Variants in TRAF3IP1 observed in about 807,000 individuals in gnomAD.
TRAF3IP1 encodes the protein TRAF3-interacting protein 1.
In TRAF3IP1, 53 loss-of-function variants were observed where a neutral mutation model predicts 89.9. The observed-to-expected ratio is 0.59, with a 90% CI of 0.47 to 0.74. TRAF3IP1 has a LOEUF of 0.74. TRAF3IP1 is among the 30% of genes least tolerant of loss of function. The pLI is 0.00. For synonymous variants in TRAF3IP1, 311 were observed against 322.1 expected (o/e 0.97, Z 0.37); for missense variants, 806 against 866.1 (o/e 0.93, Z 0.87).
chr2:238,338,319 TC>T (rs759921512), intron 7 of TRAF3IP1, 42 bp from the exon 8 acceptor site: 1 of 1,235,418 alleles, frequency 8.1e-7, no homozygotes, highest in Admixed American at 2.4e-5. Flanking sequence ...AAACACAAAA[TC>T]TTTTATAATA....
intron 15 of TRAF3IP1, among the ~76,000 whole-genome samples, chr2:238,361,348 A>G (rs1426999903): frequency 6.6e-6 from 1 of 152,154 alleles, no homozygotes; most frequent in Non-Finnish European, 1.5e-5. Context: ...ATTTTGATGT[A>G]AAATTTAAAC....
Position 238,385,759 on chromosome 2 carries a change from A to G in TRAF3IP1, c.1690-11700A>G, listed in dbSNP as rs866268302. On this transcript the variant is annotated intron_variant, in intron 15 of 16. Coordinates refer to ENST00000373327, the MANE Select transcript of TRAF3IP1 (RefSeq NM_015650.4). The stretch of plus-strand genomic sequence containing the variant: ...AGAATGTTTCTTTCCTTTTGGTGCA[A>G]GGAGGGCATCTCCTACATGGGAGTT... Among the ~76,000 whole-genome samples the G allele has an allele frequency of 2.0e-5, 3 of 152,180 alleles. No individual in the cohort carries two copies. In the South Asian group the frequency reaches 6.2e-4, roughly 32 times the overall value.
rs146684466 is a variant in TRAF3IP1, at chr2:238,389,298, G to T, written c.1690-8161G>T. 5.1e-4 allele frequency among the ~76,000 whole-genome samples: 77 copies of T among 152,148 alleles called. No homozygotes were observed. In the East Asian group the frequency reaches 0.014, roughly 29 times the overall value. On this transcript the variant is annotated intron_variant, in intron 15 of 16. Transcript: ENST00000373327. ...ATGGGCATGCTTGTTAATGGGTAGGGACTTGGCTTCTCGTGTACCCATCAC... is the reference window on the plus strand; with the variant it reads ...ATGGGCATGCTTGTTAATGGGTAGGTACTTGGCTTCTCGTGTACCCATCAC...
rs1415948416 is a variant in TRAF3IP1, at chr2:238,392,606, CTT to C, written c.1690-4852_1690-4851del. Among the ~76,000 whole-genome samples the C allele has an allele frequency of 4.0e-5, 6 of 151,014 alleles. No individual in the cohort carries two copies. The East Asian group carries it at 7.8e-4, about 20-fold the overall frequency. On this transcript the variant is annotated intron_variant, in intron 15 of 16. Coordinates refer to ENST00000373327, the MANE Select transcript of TRAF3IP1 (RefSeq NM_015650.4). The stretch of plus-strand genomic sequence containing the variant: ...TTTTTTCTTGAGACGGAGTTTTGCT[CTT>C]GTTGCCCAGGCTGGAGTGCAATGGC...
chr2:238,361,014 A>G (rs1699632937), intron 15 of TRAF3IP1, among the ~76,000 whole-genome samples: 1 of 151,730 alleles, frequency 6.6e-6, no homozygotes, highest in South Asian at 2.1e-4. Flanking sequence ...TTTCCAATCT[A>G]TCGCTTGTCT....
At position 238,398,803 on chromosome 2, in the gene TRAF3IP1, G is replaced by A; in HGVS notation, c.1960G>A (p.Glu654Lys). ...EPLKAELAEL[E>K]QLIKDQQDKI... ...CTTAAAGGCTGAGCTCGCGGAGCTGGAGCAGCTGATCAAAGACCAGCAAGA... is the reference window on the plus strand; with the variant it reads ...CTTAAAGGCTGAGCTCGCGGAGCTGAAGCAGCTGATCAAAGACCAGCAAGA... Residue 654 changes from glutamate (E) to lysine (K), a missense_variant, in exon 17 of 17, where the codon GAG (glutamate) becomes AAG (lysine). Physicochemically the swap from Glu to Lys is moderately conservative, Grantham distance 56 (BLOSUM62 1). This residue lies in a region of TRAF3IP1 where 70 missense variants were observed against 67.8 expected (regional missense o/e 1.03). Coordinates refer to ENST00000373327, the MANE Select transcript of TRAF3IP1 (RefSeq NM_015650.4). 6.2e-7 allele frequency: 1 copy of A among 1,612,988 alleles called. No homozygotes were observed. Among genetic ancestry groups the A allele is most frequent in the East Asian group, 2.2e-5 (1 of 44,860 alleles).
At chr2:238,394,111 G>T (rs1028056305) in intron 15 of TRAF3IP1, among the ~76,000 whole-genome samples, 1 of 152,082 alleles carries the variant, frequency 6.6e-6, no homozygotes, top group Admixed American at 6.5e-5. Context: ...CAGGAGAATC[G>T]CTTGAATCTG....
chr2:238,355,215 C>T (rs76516417), intron 14 of TRAF3IP1, among the ~76,000 whole-genome samples: 4,716 of 152,052 alleles, frequency 0.031, 239 homozygotes, highest in African/African-American at 0.11. Context: ...GGCTTTGACC[C>T]GTCTTCTCTA....
chr2:238,384,720 C>T (rs112722663), intron 15 of TRAF3IP1, among the ~76,000 whole-genome samples: 5 of 151,846 alleles, frequency 3.3e-5, no homozygotes, highest in Non-Finnish European at 7.4e-5. Context: ...TCCTAAAACT[C>T]TATGGCTAGA....
chr2:238,367,193 A>AAAAAAAAAAG (rs1699919783), intron 15 of TRAF3IP1, among the ~76,000 whole-genome samples: 1 of 146,860 alleles, frequency 6.8e-6, no homozygotes, highest in African/African-American at 2.5e-5. Flanking sequence ...AAAAAAAGAA[A>AAAAAAAAAAG]ATTAGTGGAT....
At chr2:238,339,249 G>GT (rs1420488448) in intron 8 of TRAF3IP1, among the ~76,000 whole-genome samples, 1 of 152,206 alleles carries the variant, frequency 6.6e-6, no homozygotes, top group Non-Finnish European at 1.5e-5. Context: ...ATGATCTGTG[G>GT]TTATTTTATT....
chr2:238,358,533 C>CA (rs1021384739), intron 15 of TRAF3IP1, among the ~76,000 whole-genome samples: 3 of 151,924 alleles, frequency 2.0e-5, no homozygotes, highest in African/African-American at 4.8e-5. Flanking sequence ...AAGCCTGTCT[C>CA]AAAAAAAACA....
intron 15 of TRAF3IP1, among the ~76,000 whole-genome samples, chr2:238,365,596 C>T (rs569227933): frequency 7.9e-5 from 12 of 151,716 alleles, no homozygotes; most frequent in South Asian, 4.2e-4. Flanking sequence ...AGTTTGAGGC[C>T]GCAGTGAGCC....
intron 2 of TRAF3IP1, 81 bp from the exon 3 acceptor site, chr2:238,325,728 C>A: frequency 7.4e-7 from 1 of 1,355,346 alleles, no homozygotes; most frequent in East Asian, 2.3e-5. Flanking sequence ...AGAAACTATC[C>A]TATGCCTGGT....
At chr2:238,360,040 C>T (rs546654593) in intron 15 of TRAF3IP1, among the ~76,000 whole-genome samples, 2 of 152,222 alleles carry the variant, frequency 1.3e-5, no homozygotes, top group Admixed American at 1.3e-4. Context: ...ACTGAGAGGG[C>T]TACTAAGTGA....
chr2:238,382,872 G>GT (rs1559391313), intron 15 of TRAF3IP1, among the ~76,000 whole-genome samples: 1 of 151,672 alleles, frequency 6.6e-6, no homozygotes, highest in East Asian at 1.9e-4. Context: ...CAAGAGCCTC[G>GT]TTGCCTCCTC....
rs531324208 is a variant in TRAF3IP1, at chr2:238,333,152, GAT to G, written c.987+260_987+261del. ...ACTTATGCCTTTATATGACAAGTGT[GAT>G]ATGTGGTGTGATAGGGCTGTCATTT... is the stretch of plus-strand genomic sequence containing the variant. On this transcript the variant is annotated intron_variant, in intron 6 of 16. Coordinates refer to ENST00000373327, the MANE Select transcript of TRAF3IP1 (RefSeq NM_015650.4). Among the ~76,000 whole-genome samples, 71 of 152,280 alleles carry G rather than the reference GAT, an allele frequency of 4.7e-4. 1 individual carries two copies. The highest frequency in any genetic ancestry group is 3.3e-3 in the Admixed American group (51 of 15,302).
intron 15 of TRAF3IP1, among the ~76,000 whole-genome samples, chr2:238,394,797 C>T (rs1407448910): frequency 6.6e-6 from 1 of 152,194 alleles, no homozygotes; most frequent in African/African-American, 2.4e-5. Context: ...ATACATAAAT[C>T]ATTTATCCAC....
chr2:238,361,895 T>C (rs544110099), intron 15 of TRAF3IP1, among the ~76,000 whole-genome samples: 1 of 152,350 alleles, frequency 6.6e-6, no homozygotes, highest in South Asian at 2.1e-4. Flanking sequence ...CAAAATGCCT[T>C]AAAATAATCG....
Sources: gnomAD v4.1 joint callset for allele counts (sites outside exome capture counted in the v4.1 genomes callset) on GRCh38, gnomAD v4.1.1 for gene constraint, gnomAD v4.1.1 regional missense constraint, MANE v1.5 for transcripts, NCBI Gene and HGNC (gene_info 2026-07-23, HGNC 2026-07-21) for gene names.